The following DOK5 variants were observed in gnomAD, a reference collection of about 807,000 sequenced individuals.
The protein encoded by DOK5 is docking protein 5.
DOK5 carries 27 observed loss-of-function variants against 43.3 expected under a neutral mutation model. The observed-to-expected ratio is 0.62, with a 90% CI of 0.46 to 0.86. The LOEUF is 0.86. Ranked by LOEUF, DOK5 falls within the 40% of genes least tolerant of loss-of-function variation. The probability of loss-of-function intolerance (pLI) is 0.00; values close to 1 mark genes in which losing one functional copy is unlikely to be tolerated. For synonymous variants in DOK5, 146 were observed against 140.1 expected (o/e 1.04, Z -0.30); for missense variants, 373 against 392.9 (o/e 0.95, Z 0.43).
chr20:54,476,066 T>C (rs1981409894), intron 1 of DOK5, 54 bp downstream of exon 1: 2 of 1,604,012 alleles, frequency 1.2e-6, no homozygotes, highest in Non-Finnish European at 1.7e-6. Flanking sequence ...GTCTCTCTCT[T>C]GAGCCAGCAT....
chr20:54,644,501 G>A (rs1340075643), intron 7 of DOK5, among the ~76,000 whole-genome samples: 2 of 151,746 alleles, frequency 1.3e-5, no homozygotes, highest in African/African-American at 4.8e-5. Flanking sequence ...TCAGGAGATC[G>A]AGACCATCCT....
intron 1 of DOK5, among the ~76,000 whole-genome samples, chr20:54,548,162 A>G (rs968311138): frequency 3.3e-5 from 5 of 152,184 alleles, no homozygotes; most frequent in Non-Finnish European, 7.3e-5. Flanking sequence ...GAGGTGAGCT[A>G]TTTCAACATG....
chr20:54,529,150 T>C (rs1983678073), intron 1 of DOK5, among the ~76,000 whole-genome samples: 1 of 152,212 alleles, frequency 6.6e-6, no homozygotes, highest in Non-Finnish European at 1.5e-5. Context: ...ATGCTAATTA[T>C]TGGCTGTCAC....
intron 1 of DOK5, among the ~76,000 whole-genome samples, chr20:54,510,220 TCTC>T (rs1452626121): frequency 6.6e-6 from 1 of 152,192 alleles, no homozygotes; most frequent in Admixed American, 6.5e-5. Flanking sequence ...TACTGTAGGT[TCTC>T]CTTTCTCCCT....
chr20:54,629,988 C>A (rs1978486509), intron 6 of DOK5, among the ~76,000 whole-genome samples: 1 of 152,202 alleles, frequency 6.6e-6, no homozygotes, highest in Non-Finnish European at 1.5e-5. Flanking sequence ...TCCTGTCAGA[C>A]CCTGTAGCTA....
chr20:54,556,173 G>T (rs760071860), intron 2 of DOK5, among the ~76,000 whole-genome samples: 1 of 152,110 alleles, frequency 6.6e-6, no homozygotes, highest in Non-Finnish European at 1.5e-5. Flanking sequence ...GTCAAGGGTG[G>T]CGTCTTCCAT....
intron 5 of DOK5, among the ~76,000 whole-genome samples, chr20:54,602,615 G>A (rs959510359): frequency 6.6e-6 from 1 of 152,176 alleles, no homozygotes; most frequent in African/African-American, 2.4e-5. Flanking sequence ...ACTAAGAAGT[G>A]AGCAAACTTC....
At chr20:54,517,388 T>C (rs1465624608) in intron 1 of DOK5, among the ~76,000 whole-genome samples, 1 of 152,174 alleles carries the variant, frequency 6.6e-6, no homozygotes, top group East Asian at 1.9e-4. Context: ...GGGATAAAAT[T>C]GTAGCCTAAC....
intron 6 of DOK5, among the ~76,000 whole-genome samples, chr20:54,618,462 G>A (rs1427799829): frequency 6.6e-6 from 1 of 151,658 alleles, no homozygotes; most frequent in African/African-American, 2.4e-5. Flanking sequence ...TTCCCCCTCA[G>A]CCTCCCTAGT....
intron 6 of DOK5, among the ~76,000 whole-genome samples, chr20:54,638,718 G>A (rs1287294133): frequency 6.7e-6 from 1 of 149,672 alleles, no homozygotes; most frequent in Non-Finnish European, 1.5e-5. Flanking sequence ...GTAGTATACA[G>A]TTTGTTCCAC....
intron 2 of DOK5, among the ~76,000 whole-genome samples, chr20:54,569,745 C>T (rs548791354): frequency 2.0e-5 from 3 of 152,246 alleles, no homozygotes; most frequent in South Asian, 2.1e-4. Context: ...AAAGAATGCA[C>T]GGTGCACAAA....
chr20:54,617,452 C>T (rs1986850202), intron 6 of DOK5, among the ~76,000 whole-genome samples: 1 of 152,052 alleles, frequency 6.6e-6, no homozygotes, highest in South Asian at 2.1e-4. Context: ...GTATCTAGGA[C>T]TACTGGCATG....
At chr20:54,529,600 A>T (rs1983695991) in intron 1 of DOK5, among the ~76,000 whole-genome samples, 1 of 152,154 alleles carries the variant, frequency 6.6e-6, no homozygotes, top group Admixed American at 6.5e-5. Flanking sequence ...TCATCCTTTT[A>T]AAGTGTATAA....
chr20:54,515,077 C>A (rs1366197117), intron 1 of DOK5, among the ~76,000 whole-genome samples: 1 of 151,902 alleles, frequency 6.6e-6, no homozygotes, highest in African/African-American at 2.4e-5. Flanking sequence ...ATGGTGCGAT[C>A]TTGACTCACT....
chr20:54,604,179 C>T (rs958461474), intron 5 of DOK5, among the ~76,000 whole-genome samples: 2 of 152,012 alleles, frequency 1.3e-5, no homozygotes, highest in Non-Finnish European at 2.9e-5. Flanking sequence ...ATCTCCTGAC[C>T]TAGTGATCCA....
At chr20:54,586,920 T>C (rs757223549) in intron 2 of DOK5, among the ~76,000 whole-genome samples, 3 of 151,914 alleles carry the variant, frequency 2.0e-5, no homozygotes, top group Non-Finnish European at 4.4e-5. Flanking sequence ...TTGGTGGTCA[T>C]TCTAAGGATG....
At chr20:54,499,519 G>T (rs918816481) in intron 1 of DOK5, among the ~76,000 whole-genome samples, 1 of 152,204 alleles carries the variant, frequency 6.6e-6, no homozygotes. Flanking sequence ...CAAAGACTGC[G>T]TCTGTGAATG....
At chr20:54,549,060 C>T (rs1984437657) in intron 1 of DOK5, among the ~76,000 whole-genome samples, 2 of 152,344 alleles carry the variant, frequency 1.3e-5, no homozygotes, top group African/African-American at 2.4e-5. Context: ...CCACCCATCT[C>T]AGATGCCCGC....
intron 1 of DOK5, among the ~76,000 whole-genome samples, chr20:54,545,086 C>A (rs935873194): frequency 5.3e-5 from 8 of 152,182 alleles, no homozygotes; most frequent in Admixed American, 5.2e-4. Context: ...GTTAGCTTGG[C>A]CCAAGCCCAA....
Sources: allele counts gnomAD v4.1 joint callset (sites outside exome capture counted in the v4.1 genomes callset), GRCh38; gene constraint gnomAD v4.1.1; transcripts MANE v1.5; gene names NCBI Gene and HGNC (gene_info 2026-07-23, HGNC 2026-07-21).